Variants in SBF2 observed in about 807,000 individuals in gnomAD.
SBF2 encodes SET binding factor 2.
A neutral mutation model predicts 225.2 loss-of-function variants in SBF2; 112 were observed. That is an observed-to-expected ratio of 0.50 (90% CI 0.43 to 0.58). The LOEUF (loss-of-function observed/expected upper bound fraction) is 0.58, where lower values mean the gene tolerates loss of function less well. Ranked by LOEUF, SBF2 falls within the 20% of genes least tolerant of loss-of-function variation. The pLI, the probability that SBF2 is intolerant of heterozygous loss-of-function variation, is 0.00. For synonymous variants in SBF2, 763 were observed against 773.3 expected, an observed-to-expected ratio of 0.99 and a Z score of 0.22; for missense variants, 1,996 against 2,206.2, an observed-to-expected ratio of 0.90 and a Z score of 1.91.
intron 17 of SBF2, among the ~76,000 whole-genome samples, chr11:9,884,840 C>G (rs542501273): frequency 1.3e-5 from 2 of 152,228 alleles, no homozygotes; most frequent in East Asian, 3.9e-4. Context: ...AAAGGAAAAC[C>G]TAACAAAATA....
intron 28 of SBF2, among the ~76,000 whole-genome samples, chr11:9,827,185 G>A (rs1315288817): frequency 6.6e-6 from 1 of 152,072 alleles, no homozygotes; most frequent in Non-Finnish European, 1.5e-5. Flanking sequence ...GGGGTGAGAG[G>A]AAGAGTCTAA....
chr11:9,807,945 T>TA, intron 32 of SBF2, 55 bp downstream of exon 32: 1 of 1,473,940 alleles, frequency 6.8e-7, no homozygotes, highest in Non-Finnish European at 9.5e-7. Context: ...CCATCAATGC[T>TA]AGTATGTTGT....
At chr11:10,152,586 C>G (rs1260777198) in intron 2 of SBF2, among the ~76,000 whole-genome samples, 1 of 151,694 alleles carries the variant, frequency 6.6e-6, no homozygotes, top group Non-Finnish European at 1.5e-5. Flanking sequence ...AGAAAGTACC[C>G]CATATATTGT....
intron 16 of SBF2, among the ~76,000 whole-genome samples, chr11:9,903,330 A>AG (rs951448086): frequency 1.3e-5 from 2 of 152,188 alleles, no homozygotes; most frequent in South Asian, 2.1e-4. Context: ...TCAAAAAAAA[A>AG]GAAAAAGAAA....
At position 9,816,876 on chromosome 11, in the gene SBF2, T is replaced by C; in HGVS notation, c.3942A>G (p.Ala1314=). 1 of 1,614,214 alleles carries C rather than the reference T, an allele frequency of 6.2e-7. No homozygotes were observed. The highest frequency in any genetic ancestry group is 1.3e-5 in the African/African-American group (1 of 75,062). The change falls in exon 29 of 40, where the codon GCA becomes GCG. Residue 1314 remains alanine (A), a synonymous_variant. Transcript: ENST00000256190. ...ACTTTTCACCAAATATGTAAAGGGC[T>C]GCTTGCCGTTTCAAGAGCTGGTTTT... is the stretch of plus-strand genomic sequence containing the variant. The part of the protein sequence containing the change: ...YLQNQLLKRQ[A]ALYIFGEKSQ...
Position 10,196,866 on chromosome 11 carries a change from A to ATATATATATTT in SBF2, c.56-2880_56-2879insAAATATATATA. 3.8e-4 allele frequency among the ~76,000 whole-genome samples: 38 copies of ATATATATATTT among 99,306 alleles called. 1 individual carries two copies. Among genetic ancestry groups the ATATATATATTT allele is most frequent in the Middle Eastern group, 7.0e-3 (1 of 142 alleles). The allele number at this position is 99,306 out of a possible 152,430, so 65.1% of individuals were successfully genotyped here. A position where few individuals can be genotyped will look rare whatever the true frequency, so the allele number is the denominator to read the frequency against. ...TATATATATATATATATATATATAT[A>ATATATATATTT]TTTTTTTTTTCCTACAAAATGAATA... On this transcript the variant is annotated intron_variant, in intron 1 of 39. Coordinates refer to ENST00000256190, the MANE Select transcript of SBF2 (RefSeq NM_030962.4).
At chr11:10,121,107 T>C (rs1483548410) in intron 2 of SBF2, among the ~76,000 whole-genome samples, 1 of 152,176 alleles carries the variant, frequency 6.6e-6, no homozygotes, top group East Asian at 1.9e-4. Flanking sequence ...TCCAACCTAA[T>C]GGGTGCGGTG....
intron 2 of SBF2, among the ~76,000 whole-genome samples, chr11:10,134,269 C>T (rs184426003): frequency 1.3e-3 from 204 of 152,300 alleles, no homozygotes; most frequent in African/African-American, 4.4e-3. Flanking sequence ...TCAATTACCT[C>T]CCACTGGGTC....
chr11:9,985,083 G>C (rs963676797), intron 13 of SBF2, among the ~76,000 whole-genome samples: 1 of 152,140 alleles, frequency 6.6e-6, no homozygotes, highest in African/African-American at 2.4e-5. Context: ...CACGATGAAA[G>C]CAACAGTACC....
At chr11:10,070,834 G>A (rs564522602) in intron 2 of SBF2, among the ~76,000 whole-genome samples, 6 of 151,898 alleles carry the variant, frequency 4.0e-5, no homozygotes, top group South Asian at 2.1e-4. Flanking sequence ...CTTTTATTTC[G>A]TTGAGCAGTG....
At chr11:9,840,602 C>G (rs1388492030) in intron 25 of SBF2, among the ~76,000 whole-genome samples, 1 of 152,162 alleles carries the variant, frequency 6.6e-6, no homozygotes. Flanking sequence ...TTGTCAGAGG[C>G]TAACCCATCA....
chr11:9,955,901 A>C (rs1260962163), intron 16 of SBF2, among the ~76,000 whole-genome samples: 2 of 152,198 alleles, frequency 1.3e-5, no homozygotes, highest in East Asian at 3.9e-4. Flanking sequence ...GTATGTTTGT[A>C]TCATTAGATT....
chr11:10,176,976 C>G (rs1054112925), intron 2 of SBF2, among the ~76,000 whole-genome samples: 10 of 152,010 alleles, frequency 6.6e-5, no homozygotes, highest in East Asian at 1.9e-4. Flanking sequence ...AGCAGCACAT[C>G]AAAAAGCTTA....
chr11:10,273,527 C>T (rs1260328259), intron 1 of SBF2, among the ~76,000 whole-genome samples: 5 of 152,152 alleles, frequency 3.3e-5, no homozygotes, highest in African/African-American at 7.2e-5. Flanking sequence ...TTTAGCTGTG[C>T]TTTGATTTGT....
chr11:10,066,690 T>C (rs1218012554), intron 2 of SBF2, among the ~76,000 whole-genome samples: 1 of 152,154 alleles, frequency 6.6e-6, no homozygotes, highest in Non-Finnish European at 1.5e-5. Context: ...AACCGAATGC[T>C]TTTCCACTAA....
chr11:9,792,568 G>T (rs1244961743), intron 33 of SBF2, among the ~76,000 whole-genome samples: 2 of 152,110 alleles, frequency 1.3e-5, no homozygotes, highest in Non-Finnish European at 1.5e-5. Context: ...GCCTGATAAC[G>T]AGTGCATCTA....
At chr11:10,026,418 G>A (rs80206520) in intron 6 of SBF2, among the ~76,000 whole-genome samples, 2,117 of 152,144 alleles carry the variant, frequency 0.014, 51 homozygotes, top group African/African-American at 0.048. Context: ...CAAGCTGCAG[G>A]TAGTCCATGA....
intron 1 of SBF2, among the ~76,000 whole-genome samples, chr11:10,228,228 C>T (rs192450772): frequency 1.2e-4 from 18 of 152,258 alleles, no homozygotes; most frequent in Admixed American, 5.9e-4. Context: ...TGGGCTGAGA[C>T]GATGGGGTTT....
intron 24 of SBF2, among the ~76,000 whole-genome samples, chr11:9,843,621 T>G (rs997936924): frequency 6.6e-6 from 1 of 152,226 alleles, no homozygotes; most frequent in African/African-American, 2.4e-5. Context: ...TTTCTTGCCA[T>G]TCAGTAAAAA....
Sources: gnomAD v4.1 joint callset for allele counts (sites outside exome capture counted in the v4.1 genomes callset) on GRCh38, gnomAD v4.1.1 for gene constraint, MANE v1.5 for transcripts, NCBI Gene and HGNC (gene_info 2026-07-23, HGNC 2026-07-21) for gene names.